Variants in WSCD2 observed in about 807,000 individuals in gnomAD.
WSCD2 encodes the protein sialate:O-sulfotransferase 2.
In WSCD2, 28 loss-of-function variants were observed where a neutral mutation model predicts 55.7. That is an observed-to-expected ratio of 0.50 (90% CI 0.37 to 0.69). The LOEUF is 0.69. WSCD2 is among the 30% of genes least tolerant of loss of function. The pLI is 0.00. For synonymous variants in WSCD2, 301 were observed against 301.9 expected (o/e 1.00, Z 0.03); for missense variants, 616 against 762.1 (o/e 0.81, Z 2.26).
At chr12:108,187,827 G>A (rs1001713112) in intron 1 of WSCD2, among the ~76,000 whole-genome samples, 25 of 152,210 alleles carry the variant, frequency 1.6e-4, no homozygotes, top group South Asian at 2.1e-4. Flanking sequence ...AGCCACCACC[G>A]CCCTGAGGCA....
intron 1 of WSCD2, among the ~76,000 whole-genome samples, chr12:108,140,804 G>T (rs972818916): frequency 2.0e-5 from 3 of 152,182 alleles, no homozygotes; most frequent in Admixed American, 2.0e-4. Context: ...GCAGAGCAAG[G>T]CTGCCAGCTC....
intron 1 of WSCD2, among the ~76,000 whole-genome samples, chr12:108,188,333 C>T (rs1882765575): frequency 6.6e-6 from 1 of 151,996 alleles, no homozygotes; most frequent in African/African-American, 2.4e-5. Context: ...TGTGTACATG[C>T]TTCCTGGTCA....
At chr12:108,224,178 G>A (rs1887824659) in intron 4 of WSCD2, among the ~76,000 whole-genome samples, 1 of 152,204 alleles carries the variant, frequency 6.6e-6, no homozygotes, top group South Asian at 2.1e-4. Context: ...CCTCTGACAT[G>A]TCAGTCCCTT....
intron 4 of WSCD2, among the ~76,000 whole-genome samples, chr12:108,224,165 T>C (rs1887823005): frequency 6.6e-6 from 1 of 152,190 alleles, no homozygotes; most frequent in African/African-American, 2.4e-5. Context: ...CTTAAAGGGA[T>C]TGCCTCTGAC....
At chr12:108,202,523 A>C (rs1301917034) in intron 2 of WSCD2, among the ~76,000 whole-genome samples, 2 of 151,882 alleles carry the variant, frequency 1.3e-5, no homozygotes, top group African/African-American at 4.9e-5. Context: ...CCAGGCTTAT[A>C]AAAAAAGAAT....
At chr12:108,201,990 A>G (rs1884748879) in intron 2 of WSCD2, among the ~76,000 whole-genome samples, 1 of 152,186 alleles carries the variant, frequency 6.6e-6, no homozygotes, top group Non-Finnish European at 1.5e-5. Context: ...GAACTTGGCC[A>G]TTAATCCACC....
chr12:108,224,682 C>G, intron 4 of WSCD2, 57 bp from the exon 5 acceptor site: 2 of 1,565,780 alleles, frequency 1.3e-6, no homozygotes, highest in Non-Finnish European at 1.7e-6. Context: ...TGTGGTTTTC[C>G]CAACCAGATC....
chr12:108,207,286 G>T (rs1885516386), intron 3 of WSCD2, among the ~76,000 whole-genome samples: 1 of 152,152 alleles, frequency 6.6e-6, no homozygotes, highest in South Asian at 2.1e-4. Context: ...ACGGTCACAA[G>T]CTCTGCCAAC....
chr12:108,250,381 T>A lies in WSCD2; in HGVS notation c.*2038T>A, dbSNP rs548592910. 3.9e-5 allele frequency: 6 copies of A among 152,370 alleles called. No homozygotes were observed. The highest frequency in any genetic ancestry group is 1.4e-4 in the African/African-American group (6 of 41,548). 9.4% of individuals were successfully genotyped at this position (152,370 alleles called of 1,614,324 possible). On this transcript the variant is annotated 3_prime_UTR_variant, in exon 9 of 9. Coordinates refer to ENST00000547525, the MANE Select transcript of WSCD2 (RefSeq NM_014653.4). ...GCTCAGGGAGAATTACGTGCCTCTG[T>A]GTGTAAAATTGCCTTTGTGTTCTCC...
At chr12:108,218,813 C>T (rs1887141093) in intron 4 of WSCD2, among the ~76,000 whole-genome samples, 1 of 152,176 alleles carries the variant, frequency 6.6e-6, no homozygotes, top group African/African-American at 2.4e-5. Context: ...GGGACAGACA[C>T]CAGCAGTGTC....
chr12:108,216,020 C>G (rs1423915662), intron 4 of WSCD2, among the ~76,000 whole-genome samples: 1 of 152,160 alleles, frequency 6.6e-6, no homozygotes, highest in Non-Finnish European at 1.5e-5. Flanking sequence ...TTTTGCAATC[C>G]TTGGACTCCC....
intron 1 of WSCD2, among the ~76,000 whole-genome samples, chr12:108,181,302 G>C (rs1056737046): frequency 6.6e-6 from 1 of 152,138 alleles, no homozygotes; most frequent in African/African-American, 2.4e-5. Context: ...GTGTTTGTGT[G>C]GGGGGTGTTC....
rs114718921 is a variant in WSCD2, at chr12:108,191,473, G to T, written c.-551-3809G>T. Among the ~76,000 whole-genome samples, 118 of 152,172 alleles carry T rather than the reference G, an allele frequency of 7.8e-4. 4 individuals carry two copies. In the South Asian group the frequency reaches 0.024, roughly 32 times the overall value. ...GAGGATATGGGGCTTTGGCTCAGCCGAATCCTGGAACCCTTGAACCCCAGA... is the reference window on the plus strand; with the variant it reads ...GAGGATATGGGGCTTTGGCTCAGCCTAATCCTGGAACCCTTGAACCCCAGA... On this transcript the variant is annotated intron_variant, in intron 1 of 8. Coordinates refer to ENST00000547525, the MANE Select transcript of WSCD2 (RefSeq NM_014653.4).
chr12:108,210,035 C>T lies in WSCD2; in HGVS notation c.498-86C>T. 6.4e-7 allele frequency: 1 copy of T among 1,570,544 alleles called. No individual in the cohort carries two copies. The highest frequency in any genetic ancestry group is 8.7e-7 in the Non-Finnish European group (1 of 1,149,238). The stretch of plus-strand genomic sequence containing the variant: ...GGGATCTCCTGGTCCCCAGAGCCCT[C>T]CCATCCCCCAGGTCTCCATGTTGTG... On this transcript the variant is annotated intron_variant, in intron 3 of 8. Coordinates refer to ENST00000547525, the MANE Select transcript of WSCD2 (RefSeq NM_014653.4). This position sits in a 1 kb window ranked among gnomAD's most constrained non-coding sequence, Gnocchi z 4.3.
intron 1 of WSCD2, among the ~76,000 whole-genome samples, chr12:108,163,637 A>G (rs1879299500): frequency 1.3e-5 from 2 of 152,302 alleles, no homozygotes; most frequent in South Asian, 4.1e-4. Flanking sequence ...GGCAGGGAAG[A>G]TCCGAGTCAG....
intron 4 of WSCD2, among the ~76,000 whole-genome samples, chr12:108,220,892 A>G (rs1011098478): frequency 3.9e-5 from 6 of 152,174 alleles, no homozygotes; most frequent in Admixed American, 3.3e-4. Context: ...TATTGGAAGA[A>G]GCACAGGCTT....
intron 8 of WSCD2, among the ~76,000 whole-genome samples, chr12:108,247,628 TCAC>T (rs370365548): frequency 5.7e-4 from 87 of 152,300 alleles, no homozygotes; most frequent in African/African-American, 1.8e-3. Flanking sequence ...TCATCATAGC[TCAC>T]TGCAGCCTCG....
At chr12:108,233,155 T>C in intron 7 of WSCD2, 1 of 367,868 alleles carries the variant, frequency 2.7e-6, no homozygotes, top group East Asian at 4.6e-5. Context: ...ATCCTATGCC[T>C]GGTACCTTTC....
chr12:108,157,489 C>A lies in WSCD2; in HGVS notation c.-552+27563C>A, dbSNP rs576241351. ...CTGGGCCCCACCTATTTCCCTCCTACCCCTGGAGCTGCTAGCAATGACTGA... is the reference window on the plus strand; with the variant it reads ...CTGGGCCCCACCTATTTCCCTCCTAACCCTGGAGCTGCTAGCAATGACTGA... On this transcript the variant is annotated intron_variant, in intron 1 of 8. Coordinates refer to ENST00000547525, the MANE Select transcript of WSCD2 (RefSeq NM_014653.4). Among the ~76,000 whole-genome samples, 3 of 152,322 alleles carry A rather than the reference C, an allele frequency of 2.0e-5. No homozygotes were observed. In the East Asian group the frequency reaches 5.8e-4, roughly 29 times the overall value.
Sources: allele counts gnomAD v4.1 joint callset (sites outside exome capture counted in the v4.1 genomes callset), GRCh38; gene constraint gnomAD v4.1.1; non-coding constraint Gnocchi (gnomAD v3.1); transcripts MANE v1.5; gene names NCBI Gene and HGNC (gene_info 2026-07-23, HGNC 2026-07-21).